Variants in DACH2 observed in about 807,000 individuals in gnomAD.
The protein encoded by DACH2 is dachshund homolog 2.
DACH2 carries 17 observed loss-of-function variants against 35.8 expected under a neutral mutation model. The ratio of observed to expected loss-of-function variants is 0.48; its 90% CI spans 0.33 to 0.71. DACH2 has a LOEUF of 0.71. Among genes scored for constraint, DACH2 ranks in the 30% least tolerant of loss-of-function variants. The pLI, the probability that DACH2 is intolerant of heterozygous loss-of-function variation, is 0.02. For synonymous variants in DACH2, 195 were observed against 177.3 expected (o/e 1.10, Z -0.79); for missense variants, 469 against 472.7 (o/e 0.99, Z 0.07).
chrX:86,306,507 GT>G (rs2034691524), intron 1 of DACH2, among the ~76,000 whole-genome samples: 1 of 111,985 alleles, frequency 8.9e-6, no homozygotes, highest in Non-Finnish European at 1.9e-5. Context: ...TAACATTTGA[GT>G]CAGTGGGCTG....
intron 2 of DACH2, among the ~76,000 whole-genome samples, chrX:86,406,949 G>A (rs771864493): frequency 5.4e-5 from 6 of 111,983 alleles, no homozygotes; most frequent in Non-Finnish European, 1.1e-4. Flanking sequence ...GAGGGAAAAT[G>A]CATGCAAAGA....
intron 1 of DACH2, among the ~76,000 whole-genome samples, chrX:86,206,845 C>T (rs1046331517): frequency 3.8e-4 from 43 of 111,849 alleles, no homozygotes; most frequent in Non-Finnish European, 9.4e-5. Flanking sequence ...GTCAGTAACC[C>T]GAAGAGGCTA....
At chrX:86,502,449 G>A (rs765526164) in intron 2 of DACH2, among the ~76,000 whole-genome samples, 4 of 111,572 alleles carry the variant, frequency 3.6e-5, no homozygotes, top group Non-Finnish European at 5.6e-5. Flanking sequence ...TTCACCTTGA[G>A]AAATATTATT....
chrX:86,699,395 A>G (rs1467653590), intron 5 of DACH2, among the ~76,000 whole-genome samples: 2 of 112,064 alleles, frequency 1.8e-5, no homozygotes, highest in Non-Finnish European at 3.8e-5. Flanking sequence ...CCACATGGTT[A>G]AAGAGACCTC....
intron 2 of DACH2, among the ~76,000 whole-genome samples, chrX:86,409,410 G>T (rs752007045): frequency 1.8e-5 from 2 of 111,537 alleles, no homozygotes; most frequent in Non-Finnish European, 3.8e-5. Context: ...TAAAGGTGGG[G>T]CCTGGTAGGA....
intron 2 of DACH2, among the ~76,000 whole-genome samples, chrX:86,500,057 C>G (rs1416479342): frequency 1.8e-5 from 2 of 111,515 alleles, no homozygotes; most frequent in African/African-American, 3.3e-5. Flanking sequence ...GTTTTCAGAG[C>G]ACAAACAACA....
rs191488459 is a variant in DACH2 at position 86,300,540 on chromosome X, G to A, written c.489-76284G>A. Among the ~76,000 whole-genome samples, 660 of 102,710 alleles carry A rather than the reference G, an allele frequency of 6.4e-3. 6 individuals carry two copies. The highest frequency in any genetic ancestry group is 0.022 in the African/African-American group (632 of 28,112). 89.2% of individuals were successfully genotyped at this position (102,710 alleles called of 115,157 possible). On this transcript the variant is annotated intron_variant, in intron 1 of 11. Transcript: ENST00000373125. ...CACCGGGGCCTGTTGTGGGGTGGGG[G>A]AAGGGAGAGGGGGGAGGGATAGCAT... is the stretch of plus-strand genomic sequence containing the variant.
intron 3 of DACH2, among the ~76,000 whole-genome samples, chrX:86,603,810 T>C (rs1286418002): frequency 8.9e-6 from 1 of 111,769 alleles, no homozygotes; most frequent in Non-Finnish European, 1.9e-5. Flanking sequence ...TCATTAATAC[T>C]AGAAATTTTC....
intron 7 of DACH2, among the ~76,000 whole-genome samples, chrX:86,770,326 C>G (rs2041976903): frequency 9.0e-6 from 1 of 111,671 alleles, no homozygotes; most frequent in African/African-American, 3.3e-5. Flanking sequence ...TACTTAAGTG[C>G]TAGACACCTT....
intron 1 of DACH2, among the ~76,000 whole-genome samples, chrX:86,208,726 C>T (rs1349203451): frequency 9.0e-6 from 1 of 111,363 alleles, no homozygotes; most frequent in African/African-American, 3.3e-5. Flanking sequence ...TCTTGCACAC[C>T]CCTTGACTTA....
At chrX:86,212,478 G>T (rs745484095) in intron 1 of DACH2, among the ~76,000 whole-genome samples, 146 of 111,251 alleles carry the variant, frequency 1.3e-3, no homozygotes, top group African/African-American at 4.6e-3. Flanking sequence ...CCTAATGTAT[G>T]TGTTCATGGT....
intron 1 of DACH2, among the ~76,000 whole-genome samples, chrX:86,362,478 A>C (rs995945921): frequency 7.2e-5 from 8 of 111,599 alleles, no homozygotes; most frequent in African/African-American, 2.6e-4. Flanking sequence ...TTAAGGTGAT[A>C]AACTAAATAA....
intron 3 of DACH2, among the ~76,000 whole-genome samples, chrX:86,529,460 C>T (rs1473370264): frequency 9.8e-6 from 1 of 101,935 alleles, no homozygotes. Flanking sequence ...TTACACTCTA[C>T]CCCCATGTGA....
intron 3 of DACH2, among the ~76,000 whole-genome samples, chrX:86,643,187 T>G (rs868579993): frequency 1.1e-5 from 1 of 94,922 alleles, no homozygotes; most frequent in Non-Finnish European, 2.2e-5. Context: ...TTTTTTTTTT[T>G]GAAAAAAATA....
chrX:86,781,487 C>A (rs899031180), intron 7 of DACH2, among the ~76,000 whole-genome samples: 4 of 111,389 alleles, frequency 3.6e-5, no homozygotes, highest in Non-Finnish European at 5.7e-5. Context: ...AAACAGTTCA[C>A]CCCAAGAACT....
At chrX:86,175,312 A>G (rs918561109) in intron 1 of DACH2, among the ~76,000 whole-genome samples, 1 of 112,384 alleles carries the variant, frequency 8.9e-6, no homozygotes, top group Admixed American at 9.4e-5. Flanking sequence ...GTCACATGAG[A>G]ATTGGCAATT....
rs1279338163 is a variant in DACH2, at chrX:86,759,299, T to G, written c.1240+19417T>G. 6.2e-5 allele frequency among the ~76,000 whole-genome samples: 7 copies of G among 112,050 alleles called. No homozygotes were observed. The Admixed American group carries it at 6.6e-4, about 11-fold the overall frequency. Reference sequence around the variant, plus strand: ...TTTACATATCTGGGTTCTCTGGTATTGGTTGCATATATGCTTAGAATTTTT... The same window carrying G: ...TTTACATATCTGGGTTCTCTGGTATGGGTTGCATATATGCTTAGAATTTTT... On this transcript the variant is annotated intron_variant, in intron 7 of 11. Coordinates refer to ENST00000373125, the MANE Select transcript of DACH2 (RefSeq NM_053281.3).
chrX:86,451,880 T>C (rs931819968), intron 2 of DACH2, among the ~76,000 whole-genome samples: 1 of 111,579 alleles, frequency 9.0e-6, no homozygotes, highest in Admixed American at 9.6e-5. Flanking sequence ...CTTCCAATAC[T>C]ATGTTCAATA....
At chrX:86,331,149 G>A (rs1469218982) in intron 1 of DACH2, among the ~76,000 whole-genome samples, 1 of 111,326 alleles carries the variant, frequency 9.0e-6, no homozygotes, top group African/African-American at 3.3e-5. Flanking sequence ...CACTCACCAT[G>A]GAGTTTGCAC....
Sources: gnomAD v4.1 joint callset for allele counts (sites outside exome capture counted in the v4.1 genomes callset) on GRCh38, gnomAD v4.1.1 for gene constraint, MANE v1.5 for transcripts, NCBI Gene and HGNC (gene_info 2026-07-23, HGNC 2026-07-21) for gene names.